HS3ST4: variants seen among roughly 807,000 people sequenced by gnomAD.
HS3ST4 encodes the protein heparan sulfate-glucosamine 3-sulfotransferase 4.
Under a neutral mutation model 29.2 loss-of-function variants are expected in HS3ST4, and 17 were observed. The observed-to-expected ratio is 0.58, with a 90% CI of 0.40 to 0.87. The LOEUF (loss-of-function observed/expected upper bound fraction) is 0.87, where lower values mean the gene tolerates loss of function less well. Ranked by LOEUF, HS3ST4 falls within the 40% of genes least tolerant of loss-of-function variation. The pLI, the probability that HS3ST4 is intolerant of heterozygous loss-of-function variation, is 0.00. For missense variants in HS3ST4, 627 were observed against 634.5 expected (o/e 0.99, Z 0.13); for synonymous variants, 314 against 285.7 (o/e 1.10, Z -1.00).
chr16:25,969,427 T>G (rs759679672), intron 1 of HS3ST4, among the ~76,000 whole-genome samples: 74 of 152,218 alleles, frequency 4.9e-4, no homozygotes, highest in Non-Finnish European at 9.3e-4. Flanking sequence ...CTGGTGGCGG[T>G]CCTAGCAATC....
At chr16:25,849,942 T>A (rs1353751176) in intron 1 of HS3ST4, among the ~76,000 whole-genome samples, 3 of 152,106 alleles carry the variant, frequency 2.0e-5, no homozygotes, top group African/African-American at 7.2e-5. Context: ...CTTTTCAATC[T>A]TTTTGGATTA....
At chr16:25,832,978 A>T (rs1195073015) in intron 1 of HS3ST4, among the ~76,000 whole-genome samples, 1 of 152,228 alleles carries the variant, frequency 6.6e-6, no homozygotes, top group Non-Finnish European at 1.5e-5. Context: ...CGCATCCTTT[A>T]TACTGGGGCA....
At chr16:26,108,360 T>A (rs117360209) in intron 1 of HS3ST4, among the ~76,000 whole-genome samples, 1 of 152,198 alleles carries the variant, frequency 6.6e-6, no homozygotes, top group African/African-American at 2.4e-5. Context: ...ATCAGGGAGC[T>A]CACTTTTCAG....
At chr16:25,959,570 G>T (rs1968773176) in intron 1 of HS3ST4, among the ~76,000 whole-genome samples, 1 of 152,186 alleles carries the variant, frequency 6.6e-6, no homozygotes, top group Non-Finnish European at 1.5e-5. Flanking sequence ...AGATCACATT[G>T]CAGAAAAGCC....
intron 1 of HS3ST4, among the ~76,000 whole-genome samples, chr16:25,697,650 T>C (rs1195395505): frequency 6.6e-6 from 1 of 152,234 alleles, no homozygotes. Flanking sequence ...AACATGTAGA[T>C]TTGGATTCAG....
intron 1 of HS3ST4, among the ~76,000 whole-genome samples, chr16:25,924,019 A>G (rs992231636): frequency 6.6e-5 from 10 of 152,138 alleles, no homozygotes; most frequent in Non-Finnish European, 1.3e-4. Flanking sequence ...CTATATTCAA[A>G]TGCTTACTTG....
At chr16:26,014,777 C>A (rs1969346847) in intron 1 of HS3ST4, among the ~76,000 whole-genome samples, 1 of 152,078 alleles carries the variant, frequency 6.6e-6, no homozygotes, top group African/African-American at 2.4e-5. Context: ...TATGTCTTTG[C>A]TATTGTATCA....
intron 1 of HS3ST4, among the ~76,000 whole-genome samples, chr16:25,840,792 A>G (rs1445770552): frequency 6.6e-6 from 1 of 152,090 alleles, no homozygotes; most frequent in Non-Finnish European, 1.5e-5. Context: ...TGGATCAAAT[A>G]AACACTGTGG....
chr16:25,801,173 G>C lies in HS3ST4; in HGVS notation c.734+108022G>C, dbSNP rs575125788. On this transcript the variant is annotated intron_variant, in intron 1 of 1. Transcript: ENST00000331351. ...CATTTGGAGGACCACTGTTATATAC[G>C]CACACAGACAGGATACTCATGCTGC... Among the ~76,000 whole-genome samples the C allele has an allele frequency of 1.0e-3, 155 of 152,008 alleles. 2 individuals carry two copies. Among genetic ancestry groups the C allele is most frequent in the Non-Finnish European group, 1.1e-3 (72 of 68,000 alleles).
chr16:25,960,313 C>T (rs1011870298), intron 1 of HS3ST4, among the ~76,000 whole-genome samples: 1 of 152,112 alleles, frequency 6.6e-6, no homozygotes, highest in African/African-American at 2.4e-5. Context: ...GCCAAATAAA[C>T]CTCTTTTCTT....
chr16:25,851,620 G>A (rs1200723572), intron 1 of HS3ST4, among the ~76,000 whole-genome samples: 1 of 152,098 alleles, frequency 6.6e-6, no homozygotes, highest in Non-Finnish European at 1.5e-5. Context: ...GAAAGCTTTG[G>A]CAAAGCTGGT....
intron 1 of HS3ST4, among the ~76,000 whole-genome samples, chr16:25,812,316 C>T (rs1230594263): frequency 1.3e-5 from 2 of 152,186 alleles, no homozygotes; most frequent in South Asian, 2.1e-4. Flanking sequence ...TCCCAGCTCA[C>T]ACCACATGCT....
intron 1 of HS3ST4, among the ~76,000 whole-genome samples, chr16:26,054,382 C>T (rs1898383036): frequency 6.6e-6 from 1 of 152,054 alleles, no homozygotes; most frequent in South Asian, 2.1e-4. Flanking sequence ...AGAAAGCCAA[C>T]TCTCCTCCAT....
intron 1 of HS3ST4, among the ~76,000 whole-genome samples, chr16:25,882,266 G>T (rs1321105537): frequency 6.6e-6 from 1 of 152,166 alleles, no homozygotes; most frequent in African/African-American, 2.4e-5. Flanking sequence ...TGTTAGAGCT[G>T]CTGTAAAAGA....
chr16:25,938,431 G>A (rs1968539403), intron 1 of HS3ST4, among the ~76,000 whole-genome samples: 1 of 152,018 alleles, frequency 6.6e-6, no homozygotes, highest in African/African-American at 2.4e-5. Context: ...TTCTGCCAGG[G>A]ATCCATGCAT....
At chr16:25,759,555 C>T (rs560997428) in intron 1 of HS3ST4, among the ~76,000 whole-genome samples, 4 of 151,962 alleles carry the variant, frequency 2.6e-5, no homozygotes, top group Non-Finnish European at 4.4e-5. Context: ...TCAGGAGGTC[C>T]GAGTTGTGAC....
At chr16:26,101,361 TA>T (rs1210663003) in intron 1 of HS3ST4, among the ~76,000 whole-genome samples, 1 of 152,226 alleles carries the variant, frequency 6.6e-6, no homozygotes, top group Non-Finnish European at 1.5e-5. Flanking sequence ...ACTCCCTTGC[TA>T]AAGGCTAGAG....
chr16:25,992,704 C>A (rs1444230053), intron 1 of HS3ST4, among the ~76,000 whole-genome samples: 1 of 152,234 alleles, frequency 6.6e-6, no homozygotes, highest in Admixed American at 6.5e-5. Context: ...CTTGGCGAAA[C>A]TTTGAGGCTA....
intron 1 of HS3ST4, among the ~76,000 whole-genome samples, chr16:26,020,772 G>T (rs1287473417): frequency 6.6e-6 from 1 of 152,206 alleles, no homozygotes; most frequent in Admixed American, 6.5e-5. Context: ...CTGCCTTCAA[G>T]TAGATCTTTA....
Sources: gnomAD v4.1 joint callset for allele counts (sites outside exome capture counted in the v4.1 genomes callset) on GRCh38, gnomAD v4.1.1 for gene constraint, MANE v1.5 for transcripts, NCBI Gene and HGNC (gene_info 2026-07-23, HGNC 2026-07-21) for gene names.